Variants in PLCB1 observed in about 807,000 individuals in gnomAD.
PLCB1 encodes the protein phospholipase C beta 1.
In PLCB1, 46 loss-of-function variants were observed where a neutral mutation model predicts 161.8. That is an observed-to-expected ratio of 0.28 (90% confidence interval 0.22 to 0.36). The LOEUF (loss-of-function observed/expected upper bound fraction) is 0.36, where lower values mean the gene tolerates loss of function less well. Ranked by LOEUF, PLCB1 falls within the 10% of genes least tolerant of loss-of-function variation. PLCB1 has a pLI of 1.00. For synonymous variants in PLCB1, 517 were observed against 503.7 expected, an observed-to-expected ratio of 1.03 and a Z score of -0.35; for missense variants, 1,016 against 1,472.5, an observed-to-expected ratio of 0.69 and a Z score of 5.07.
At chr20:8,437,237 GACA>G (rs1416408002) in intron 3 of PLCB1, among the ~76,000 whole-genome samples, 1 of 152,148 alleles carries the variant, frequency 6.6e-6, no homozygotes, top group Non-Finnish European at 1.5e-5. Context: ...CCATTACTGA[GACA>G]ACCTCAGATA....
In PLCB1 at chr20:8,269,126, G is replaced by T. The variant is rs138175576; in HGVS notation, c.178-102256G>T. Among the ~76,000 whole-genome samples, 338 of 152,084 alleles carry T rather than the reference G, an allele frequency of 2.2e-3. 1 individual carries two copies. Among genetic ancestry groups the T allele is most frequent in the African/African-American group, 7.4e-3 (306 of 41,490 alleles). Reference sequence around the variant, plus strand: ...ATGCTTTAATTTCTGGGGTACATGTGCAGAATGTGCAGGTTTGTTACATAG... The same window carrying T: ...ATGCTTTAATTTCTGGGGTACATGTTCAGAATGTGCAGGTTTGTTACATAG... On this transcript the variant is annotated intron_variant, in intron 2 of 31. Transcript: ENST00000338037.
intron 2 of PLCB1, among the ~76,000 whole-genome samples, chr20:8,268,730 T>C (rs927092466): frequency 6.6e-6 from 1 of 152,206 alleles, no homozygotes; most frequent in African/African-American, 2.4e-5. Context: ...ATGATGAGCA[T>C]TTTTTCATGT....
intron 3 of PLCB1, among the ~76,000 whole-genome samples, chr20:8,564,267 A>G (rs1337999798): frequency 6.6e-6 from 1 of 152,224 alleles, no homozygotes; most frequent in East Asian, 1.9e-4. Flanking sequence ...TGGTGTTGGG[A>G]AAACTGGCTA....
At chr20:8,331,882 G>A (rs982526311) in intron 2 of PLCB1, among the ~76,000 whole-genome samples, 2 of 152,182 alleles carry the variant, frequency 1.3e-5, no homozygotes, top group African/African-American at 4.8e-5. Context: ...GGAATGTAAG[G>A]TAATACACAT....
At chr20:8,811,644 A>G (rs923206696) in intron 31 of PLCB1, among the ~76,000 whole-genome samples, 8 of 152,230 alleles carry the variant, frequency 5.3e-5, no homozygotes, top group Non-Finnish European at 1.2e-4. Context: ...AATAACAATA[A>G]AGGATTTCTG....
chr20:8,577,885 T>G (rs1986725050), intron 3 of PLCB1, among the ~76,000 whole-genome samples: 1 of 152,210 alleles, frequency 6.6e-6, no homozygotes, highest in South Asian at 2.1e-4. Context: ...CCATTTGTCC[T>G]TTTCTGTATA....
At chr20:8,171,407 T>G (rs2051731918) in intron 2 of PLCB1, among the ~76,000 whole-genome samples, 1 of 152,106 alleles carries the variant, frequency 6.6e-6, no homozygotes, top group Non-Finnish European at 1.5e-5. Context: ...TGTTATGTTT[T>G]TTGTTGTTGT....
chr20:8,873,784 C>A (rs999294103), intron 31 of PLCB1, among the ~76,000 whole-genome samples: 1 of 152,000 alleles, frequency 6.6e-6, no homozygotes, highest in African/African-American at 2.4e-5. Context: ...CCTCATAGTT[C>A]TTTAAGTGAG....
intron 31 of PLCB1, among the ~76,000 whole-genome samples, chr20:8,824,378 A>G (rs1985585297): frequency 6.6e-6 from 1 of 150,554 alleles, no homozygotes; most frequent in African/African-American, 2.4e-5. Context: ...ATTAAAGGAC[A>G]GGTTTAAAAT....
chr20:8,199,453 G>T (rs1054405260), intron 2 of PLCB1, among the ~76,000 whole-genome samples: 1 of 152,130 alleles, frequency 6.6e-6, no homozygotes, highest in African/African-American at 2.4e-5. Flanking sequence ...TGTGCCTATT[G>T]CCATGAATGT....
intron 27 of PLCB1, among the ~76,000 whole-genome samples, chr20:8,787,321 C>G (rs568148917): frequency 6.6e-6 from 1 of 152,216 alleles, no homozygotes; most frequent in Non-Finnish European, 1.5e-5. Flanking sequence ...TGTGGCTCCA[C>G]CTCAGTGTGC....
intron 23 of PLCB1, among the ~76,000 whole-genome samples, chr20:8,743,978 ATAAT>A (rs1010753386): frequency 6.6e-6 from 1 of 152,186 alleles, no homozygotes; most frequent in African/African-American, 2.4e-5. Flanking sequence ...TTAATAAACT[ATAAT>A]TAAAGGTAAA....
chr20:8,657,119 A>AG (rs1989483493), intron 7 of PLCB1, 65 bp from the exon 8 acceptor site: 6 of 868,144 alleles, frequency 6.9e-6, no homozygotes, highest in Admixed American at 5.2e-5. Context: ...CAGAGAAAAA[A>AG]CAGGGAGGGA....
intron 2 of PLCB1, among the ~76,000 whole-genome samples, chr20:8,319,961 C>A (rs1358424479): frequency 1.3e-5 from 2 of 151,740 alleles, no homozygotes; most frequent in Non-Finnish European, 2.9e-5. Context: ...CAAAACTGCA[C>A]GTTGTACACA....
chr20:8,867,778 C>T (rs1277169556), intron 31 of PLCB1, among the ~76,000 whole-genome samples: 2 of 152,158 alleles, frequency 1.3e-5, no homozygotes, highest in African/African-American at 4.8e-5. Context: ...CACTTGGCTA[C>T]AGATTCCACT....
At chr20:8,134,384 G>A (rs2051323193) in intron 1 of PLCB1, among the ~76,000 whole-genome samples, 3 of 152,204 alleles carry the variant, frequency 2.0e-5, no homozygotes, top group Admixed American at 6.5e-5. Context: ...GAGTTTCAGC[G>A]TAAGCTCTGG....
chr20:8,152,031 T>G (rs1205749631), intron 2 of PLCB1, among the ~76,000 whole-genome samples: 2 of 152,132 alleles, frequency 1.3e-5, no homozygotes, highest in South Asian at 2.1e-4. Flanking sequence ...TTTGTTTTCA[T>G]TTTTTACACA....
chr20:8,317,240 A>G (rs1984699995), intron 2 of PLCB1, among the ~76,000 whole-genome samples: 3 of 152,146 alleles, frequency 2.0e-5, no homozygotes, highest in Admixed American at 2.0e-4. Flanking sequence ...AGAAACACAT[A>G]AAGTTCTCAC....
At chr20:8,360,343 G>A (rs1986495938) in intron 2 of PLCB1, among the ~76,000 whole-genome samples, 1 of 152,178 alleles carries the variant, frequency 6.6e-6, no homozygotes, top group South Asian at 2.1e-4. Flanking sequence ...CAGTAAGGGA[G>A]CCTAGCAGGG....
Sources: allele counts gnomAD v4.1 joint callset (sites outside exome capture counted in the v4.1 genomes callset), GRCh38; gene constraint gnomAD v4.1.1; transcripts MANE v1.5; gene names NCBI Gene and HGNC (gene_info 2026-07-23, HGNC 2026-07-21).